Variants in CSMD1 observed in about 807,000 individuals in gnomAD.
CSMD1 encodes CUB and Sushi multiple domains 1, also known as CUB and sushi domain-containing protein 1.
A neutral mutation model predicts 417.5 loss-of-function variants in CSMD1; 213 were observed. The observed-to-expected ratio is 0.51, with a 90% CI of 0.46 to 0.57. CSMD1 has a LOEUF of 0.57. Ranked by LOEUF, CSMD1 falls within the 20% of genes least tolerant of loss-of-function variation. CSMD1 has a pLI of 0.00. For missense variants in CSMD1, 6,923 were observed against 4,529.7 expected (o/e 1.53, Z -15.17); for synonymous variants, 2,862 against 1,736.8 (o/e 1.65, Z -16.11).
chr8:4,974,083 C>A (rs910857456), intron 1 of CSMD1, among the ~76,000 whole-genome samples: 1 of 152,134 alleles, frequency 6.6e-6, no homozygotes, highest in Non-Finnish European at 1.5e-5. Flanking sequence ...AGTAGTGGTG[C>A]GATCTTGGCT....
chr8:3,097,112 G>GTT, intron 46 of CSMD1, 75 bp from the exon 47 acceptor site: 1 of 1,154,270 alleles, frequency 8.7e-7, no homozygotes, highest in African/African-American at 1.6e-5. Context: ...TTCTATCCCT[G>GTT]TATAAACAAG....
chr8:4,290,450 G>A (rs561632170), intron 3 of CSMD1, among the ~76,000 whole-genome samples: 1 of 152,112 alleles, frequency 6.6e-6, no homozygotes, highest in Non-Finnish European at 1.5e-5. Flanking sequence ...GCTGTTCTAT[G>A]GGCAATTTTA....
chr8:4,466,087 A>AG, intron 2 of CSMD1, among the ~76,000 whole-genome samples: 1 of 152,210 alleles, frequency 6.6e-6, no homozygotes, highest in East Asian at 1.9e-4. Context: ...GGAGAGATTA[A>AG]ATATCATGAC....
intron 1 of CSMD1, among the ~76,000 whole-genome samples, chr8:4,814,300 C>T (rs2117350577): frequency 1.3e-5 from 2 of 152,268 alleles, no homozygotes; most frequent in Middle Eastern, 6.8e-3. Flanking sequence ...GGCTGGAGCG[C>T]AATGGCACAA....
intron 41 of CSMD1, among the ~76,000 whole-genome samples, chr8:3,138,733 A>C (rs1818258673): frequency 1.3e-5 from 2 of 152,180 alleles, no homozygotes. Context: ...TGCTGGAGAT[A>C]TTTCAGAGGG....
intron 3 of CSMD1, among the ~76,000 whole-genome samples, chr8:4,157,781 G>A (rs569411994): frequency 6.6e-6 from 1 of 152,198 alleles, no homozygotes; most frequent in South Asian, 2.1e-4. Flanking sequence ...AGCGTTCACA[G>A]CTGGGTGAAC....
intron 6 of CSMD1, among the ~76,000 whole-genome samples, chr8:3,717,374 G>C (rs1474792341): frequency 6.6e-6 from 1 of 152,078 alleles, no homozygotes; most frequent in Non-Finnish European, 1.5e-5. Flanking sequence ...TATAATAAAA[G>C]ATATACACTG....
At chr8:4,176,718 T>C (rs925269042) in intron 3 of CSMD1, among the ~76,000 whole-genome samples, 1 of 149,538 alleles carries the variant, frequency 6.7e-6, no homozygotes, top group Admixed American at 6.7e-5. Flanking sequence ...AGGCTCAAAA[T>C]AAAAGGATGG....
intron 3 of CSMD1, among the ~76,000 whole-genome samples, chr8:4,076,497 G>C (rs554203617): frequency 7.9e-5 from 12 of 152,198 alleles, no homozygotes; most frequent in Admixed American, 7.2e-4. Context: ...TTCATTACTA[G>C]AAATGTAAGT....
At chr8:4,732,062 C>A (rs1006572758) in intron 1 of CSMD1, among the ~76,000 whole-genome samples, 8 of 152,132 alleles carry the variant, frequency 5.3e-5, no homozygotes, top group African/African-American at 1.7e-4. Context: ...AGCTTTACAT[C>A]TCTCTTGCTA....
At chr8:4,667,607 G>A (rs549879881) in intron 1 of CSMD1, among the ~76,000 whole-genome samples, 81 of 152,156 alleles carry the variant, frequency 5.3e-4, no homozygotes, top group Admixed American at 1.8e-3. Flanking sequence ...AGTACTTTAT[G>A]TATTGGAACG....
intron 39 of CSMD1, among the ~76,000 whole-genome samples, 156 bp from the exon 40 acceptor site, chr8:3,151,669 G>C (rs1346326770): frequency 6.6e-6 from 1 of 152,174 alleles, no homozygotes; most frequent in Non-Finnish European, 1.5e-5. Context: ...GTGTGCCTTA[G>C]TTATTTATGA....
intron 1 of CSMD1, among the ~76,000 whole-genome samples, chr8:4,707,797 G>T (rs964704054): frequency 6.7e-6 from 1 of 149,626 alleles, no homozygotes; most frequent in East Asian, 2.0e-4. Flanking sequence ...TGAAGCAGAA[G>T]AATCGCTTGA....
intron 8 of CSMD1, among the ~76,000 whole-genome samples, chr8:3,587,193 T>A (rs1046951955): frequency 6.6e-6 from 1 of 152,234 alleles, no homozygotes; most frequent in African/African-American, 2.4e-5. Context: ...GCTTTACGGT[T>A]GTAAACATTA....
intron 3 of CSMD1, among the ~76,000 whole-genome samples, chr8:4,148,873 G>C (rs1179812001): frequency 1.3e-5 from 2 of 152,172 alleles, no homozygotes; most frequent in South Asian, 2.1e-4. Flanking sequence ...ATGGTCGAGA[G>C]ACACAGCCTG....
At chr8:4,459,280 C>T (rs1300681349) in intron 2 of CSMD1, among the ~76,000 whole-genome samples, 3 of 152,220 alleles carry the variant, frequency 2.0e-5, no homozygotes, top group Non-Finnish European at 2.9e-5. Flanking sequence ...GTTCCTGTCA[C>T]TTGTGCACCA....
At chr8:4,858,078 G>T (rs1326861974) in intron 1 of CSMD1, among the ~76,000 whole-genome samples, 2 of 152,008 alleles carry the variant, frequency 1.3e-5, no homozygotes, top group Non-Finnish European at 2.9e-5. Flanking sequence ...GATCAAGTGG[G>T]CTGCATCCCT....
chr8:4,959,619 C>A (rs1809344701), intron 1 of CSMD1, among the ~76,000 whole-genome samples: 1 of 152,236 alleles, frequency 6.6e-6, no homozygotes, highest in Non-Finnish European at 1.5e-5. Context: ...TTCCTGGCTT[C>A]CAGCCTTGTT....
At chr8:3,916,588 G>C (rs564819567) in intron 5 of CSMD1, among the ~76,000 whole-genome samples, 1 of 152,050 alleles carries the variant, frequency 6.6e-6, no homozygotes, top group African/African-American at 2.4e-5. Context: ...CATTATGTAG[G>C]TGACAATATG....
Sources: gnomAD v4.1 joint callset for allele counts (sites outside exome capture counted in the v4.1 genomes callset) on GRCh38, gnomAD v4.1.1 for gene constraint, MANE v1.5 for transcripts, NCBI Gene and HGNC (gene_info 2026-07-23, HGNC 2026-07-21) for gene names.